The following BAZ2B variants were observed in gnomAD, a reference collection of about 807,000 sequenced individuals.
BAZ2B encodes the protein bromodomain adjacent to zinc finger domain 2B.
In BAZ2B, 91 loss-of-function variants were observed where a neutral mutation model predicts 246.0. That is an observed-to-expected ratio of 0.37 (90% CI 0.31 to 0.44). BAZ2B has a LOEUF of 0.44. Ranked by LOEUF, BAZ2B falls within the 20% of genes least tolerant of loss-of-function variation. The pLI is 1.00. For missense variants in BAZ2B, 2,332 were observed against 2,533.7 expected, an observed-to-expected ratio of 0.92 and a Z score of 1.71; for synonymous variants, 855 against 860.0, an observed-to-expected ratio of 0.99 and a Z score of 0.10.
At chr2:159,579,479 C>T (rs1337180881) in intron 1 of BAZ2B, among the ~76,000 whole-genome samples, 15 of 152,220 alleles carry the variant, frequency 9.9e-5, no homozygotes, top group Admixed American at 7.9e-4. Context: ...GATTCACAGC[C>T]GAATTCTACC....
chr2:159,516,061 A>G (rs2083414002), intron 2 of BAZ2B, among the ~76,000 whole-genome samples: 1 of 152,110 alleles, frequency 6.6e-6, no homozygotes, highest in African/African-American at 2.4e-5. Context: ...TATGTGTATG[A>G]GCTGGTTGGA....
the BAZ2B span, among the ~76,000 whole-genome samples, chr2:159,642,738 C>T: frequency 6.6e-6 from 1 of 152,042 alleles, no homozygotes; most frequent in Non-Finnish European, 1.5e-5. Context: ...TGTTAAAAAT[C>T]CTATCAAGAG....
At chr2:159,455,777 T>G (rs1050812167) in intron 3 of BAZ2B, among the ~76,000 whole-genome samples, 10 of 147,240 alleles carry the variant, frequency 6.8e-5, no homozygotes, top group East Asian at 3.9e-4. Flanking sequence ...TTTTTTTTTT[T>G]TTTTTTTTTT....
chr2:159,508,644 G>C (rs184742721), intron 2 of BAZ2B, among the ~76,000 whole-genome samples: 168 of 152,074 alleles, frequency 1.1e-3, no homozygotes, highest in African/African-American at 4.0e-3. Flanking sequence ...ATCCATGTCA[G>C]TTTCTTCAAA....
At chr2:159,325,109 TATATATTTTATA>T in intron 35 of BAZ2B, among the ~76,000 whole-genome samples, 155 bp from the exon 36 acceptor site, 1 of 2,076 alleles carries the variant, frequency 4.8e-4, no homozygotes, top group African/African-American at 1.6e-3. Flanking sequence ...TATATATATA[TATATATTTTATA>T]TATATATATA....
intron 4 of BAZ2B, among the ~76,000 whole-genome samples, chr2:159,448,886 A>G (rs1466915796): frequency 6.6e-6 from 1 of 152,208 alleles, no homozygotes; most frequent in Non-Finnish European, 1.5e-5. Context: ...GTAATCCACT[A>G]TATCTCAAGT....
At chr2:159,571,219 T>C (rs1300688156) in intron 1 of BAZ2B, among the ~76,000 whole-genome samples, 1 of 152,166 alleles carries the variant, frequency 6.6e-6, no homozygotes, top group East Asian at 1.9e-4. Context: ...TTATGTCTGA[T>C]ACTGATGGGG....
chr2:159,712,274 C>T, the BAZ2B span: 8 of 152,230 alleles, frequency 5.3e-5, no homozygotes, highest in Non-Finnish European at 4.4e-5. Context: ...CTCGCCAGCC[C>T]AGCTGCCGGC....
At chr2:159,583,317 G>T (rs1687280456) in intron 1 of BAZ2B, among the ~76,000 whole-genome samples, 1 of 152,126 alleles carries the variant, frequency 6.6e-6, no homozygotes, top group Non-Finnish European at 1.5e-5. Context: ...GTTTCGCCAT[G>T]TTGGCCAGGC....
chr2:159,391,178 A>T (rs899963441), intron 20 of BAZ2B, among the ~76,000 whole-genome samples: 1 of 152,188 alleles, frequency 6.6e-6, no homozygotes, highest in African/African-American at 2.4e-5. Flanking sequence ...AATAGAAAAA[A>T]GCATATTAAA....
At chr2:159,708,880 C>T in the BAZ2B span, among the ~76,000 whole-genome samples, 149,404 of 152,236 alleles carry the variant, frequency 0.98, 73,337 homozygotes, top group Middle Eastern at 0.99. Flanking sequence ...CTTTTAAATA[C>T]TGGCTTGGGG....
chr2:159,472,321 C>T (rs1369042861), intron 3 of BAZ2B, among the ~76,000 whole-genome samples: 1 of 152,194 alleles, frequency 6.6e-6, no homozygotes, highest in Non-Finnish European at 1.5e-5. Context: ...TGAGACTTTG[C>T]TGAAGATGCT....
chr2:159,531,417 A>G (rs1174630414), intron 2 of BAZ2B, among the ~76,000 whole-genome samples: 1 of 152,206 alleles, frequency 6.6e-6, no homozygotes, highest in East Asian at 1.9e-4. Context: ...AGAAATGCAC[A>G]TTCTCTTAAA....
chr2:159,343,359 T>C (rs768512177), intron 31 of BAZ2B, among the ~76,000 whole-genome samples: 2 of 152,032 alleles, frequency 1.3e-5, no homozygotes, highest in Non-Finnish European at 2.9e-5. Context: ...TATATAAAAC[T>C]TCAAAAGCAC....
chr2:159,710,128 T>A, the BAZ2B span, among the ~76,000 whole-genome samples: 1 of 152,210 alleles, frequency 6.6e-6, no homozygotes, highest in African/African-American at 2.4e-5. Context: ...CAAATCACTT[T>A]GTGACGATTT....
chr2:159,325,540 C>G, intron 35 of BAZ2B, 113 bp downstream of exon 35: 1 of 1,185,148 alleles, frequency 8.4e-7, no homozygotes, highest in Non-Finnish European at 1.2e-6. Context: ...TTATGCTTTA[C>G]ATTTTTTTAT....
intron 1 of BAZ2B, among the ~76,000 whole-genome samples, chr2:159,568,053 A>G (rs1234397389): frequency 6.6e-6 from 1 of 152,224 alleles, no homozygotes; most frequent in African/African-American, 2.4e-5. Context: ...TGGAAAGTGC[A>G]CAATTCAGTG....
At chr2:159,483,595 G>A (rs2079490637) in intron 2 of BAZ2B, among the ~76,000 whole-genome samples, 1 of 152,078 alleles carries the variant, frequency 6.6e-6, no homozygotes, top group Admixed American at 6.6e-5. Context: ...TGGCCAACAT[G>A]GTGAAACCCT....
chr2:159,703,091 T>A, the BAZ2B span, among the ~76,000 whole-genome samples: 1 of 149,596 alleles, frequency 6.7e-6, no homozygotes, highest in Non-Finnish European at 1.5e-5. Context: ...AACAAAAACT[T>A]TCTTTCTTTT....
Sources: gnomAD v4.1 joint callset for allele counts (sites outside exome capture counted in the v4.1 genomes callset) on GRCh38, gnomAD v4.1.1 for gene constraint, MANE v1.5 for transcripts, NCBI Gene and HGNC (gene_info 2026-07-23, HGNC 2026-07-21) for gene names.